ARID1B: variants seen among roughly 807,000 people sequenced by gnomAD.
ARID1B encodes AT-rich interaction domain 1B, also known as AT-rich interactive domain-containing protein 1B.
ARID1B carries 30 observed loss-of-function variants against 212.3 expected under a neutral mutation model. The observed-to-expected ratio is 0.14, with a 90% CI of 0.11 to 0.19. The LOEUF is 0.19. Ranked by LOEUF, ARID1B falls within the 10% of genes least tolerant of loss-of-function variation. The probability of loss-of-function intolerance (pLI) is 1.00; values close to 1 mark genes in which losing one functional copy is unlikely to be tolerated. For missense variants in ARID1B, 2,891 were observed against 3,204.0 expected (o/e 0.90, Z 2.36); for synonymous variants, 1,402 against 1,301.7 (o/e 1.08, Z -1.66).
At chr6:157,092,250 T>C (rs1318093392) in intron 5 of ARID1B, among the ~76,000 whole-genome samples, 3 of 152,252 alleles carry the variant, frequency 2.0e-5, no homozygotes, top group Non-Finnish European at 4.4e-5. Context: ...AATTGTATAT[T>C]TTGTCTTTTT....
At chr6:156,840,906 A>T (rs551001664) in intron 2 of ARID1B, among the ~76,000 whole-genome samples, 1 of 152,202 alleles carries the variant, frequency 6.6e-6, no homozygotes, top group Admixed American at 6.5e-5. Context: ...CACTGGGTGT[A>T]ATACCTCAGT....
At chr6:157,140,787 T>C in intron 7 of ARID1B, 1 of 396,674 alleles carries the variant, frequency 2.5e-6, no homozygotes, top group East Asian at 3.6e-5. Flanking sequence ...ACGTTAGCCC[T>C]GGTCCGGGAT....
chr6:156,877,194 C>G (rs1445356326), intron 2 of ARID1B, among the ~76,000 whole-genome samples: 4 of 152,166 alleles, frequency 2.6e-5, no homozygotes, highest in African/African-American at 9.7e-5. Context: ...ATGTTATTCT[C>G]CTGCTTAAAG....
intron 3 of ARID1B, among the ~76,000 whole-genome samples, chr6:156,924,030 A>G (rs1211448080): frequency 1.3e-5 from 2 of 152,234 alleles, no homozygotes; most frequent in African/African-American, 4.8e-5. Context: ...TAAAAATAAC[A>G]ATAGCTGACA....
intron 2 of ARID1B, among the ~76,000 whole-genome samples, chr6:156,892,452 T>C (rs1419389666): frequency 6.6e-6 from 1 of 152,220 alleles, no homozygotes; most frequent in Non-Finnish European, 1.5e-5. Flanking sequence ...AGCATAAATG[T>C]GTTAAAATGT....
At chr6:157,039,803 T>C (rs1028369563) in intron 4 of ARID1B, among the ~76,000 whole-genome samples, 1 of 139,990 alleles carries the variant, frequency 7.1e-6, no homozygotes, top group Non-Finnish European at 1.5e-5. Context: ...CTTCTTTCTT[T>C]CTCTTTCTTT....
chr6:156,887,258 A>G (rs1787588249), intron 2 of ARID1B, among the ~76,000 whole-genome samples: 1 of 152,112 alleles, frequency 6.6e-6, no homozygotes, highest in African/African-American at 2.4e-5. Context: ...TAACGTACCA[A>G]TGCTGGCTCT....
At position 157,124,361 on chromosome 6, in the gene ARID1B, G is replaced by GA. The variant is rs1465608288; in HGVS notation, c.2582-8664dup. 2.6e-5 allele frequency among the ~76,000 whole-genome samples: 4 copies of GA among 152,362 alleles called. No individual in the cohort carries two copies. In the East Asian group the frequency reaches 7.7e-4, roughly 29 times the overall value. The stretch of plus-strand genomic sequence containing the variant: ...CTCCAGAACTTACAGTCTGGCGAGA[G>GA]AAACAGTTGCACAAAAAACAATAGC... On this transcript the variant is annotated intron_variant, in intron 6 of 19. Coordinates refer to ENST00000636930, the MANE Select transcript of ARID1B (RefSeq NM_001374828.1).
intron 13 of ARID1B, among the ~76,000 whole-genome samples, chr6:157,188,474 C>T (rs1793134476): frequency 6.6e-6 from 1 of 152,142 alleles, no homozygotes; most frequent in Admixed American, 6.5e-5. Context: ...TGTAACCTCT[C>T]GTGGTTTGTT....
At chr6:157,041,372 TATA>T (rs1781860989) in intron 4 of ARID1B, among the ~76,000 whole-genome samples, 1 of 152,148 alleles carries the variant, frequency 6.6e-6, no homozygotes, top group South Asian at 2.1e-4. Context: ...GGATTCTACA[TATA>T]GTAGTATAGA....
chr6:156,935,851 G>A, intron 4 of ARID1B: 1 of 349,350 alleles, frequency 2.9e-6, no homozygotes, highest in Non-Finnish European at 5.3e-6. Context: ...GGTTATTGCT[G>A]TTGTACAGTT....
At chr6:157,196,580 T>G (rs1793743010) in intron 16 of ARID1B, among the ~76,000 whole-genome samples, 1 of 152,144 alleles carries the variant, frequency 6.6e-6, no homozygotes, top group Non-Finnish European at 1.5e-5. Context: ...CCGCCACAAG[T>G]CACGCTGGCA....
intron 4 of ARID1B, among the ~76,000 whole-genome samples, chr6:156,973,186 T>A (rs1043499720): frequency 1.3e-5 from 2 of 152,262 alleles, no homozygotes; most frequent in Middle Eastern, 3.2e-3. Context: ...GAATTGTACA[T>A]TTATTTTATT....
At chr6:157,086,111 T>C (rs1369220299) in intron 5 of ARID1B, among the ~76,000 whole-genome samples, 1 of 152,242 alleles carries the variant, frequency 6.6e-6, no homozygotes, top group East Asian at 1.9e-4. Flanking sequence ...AGGGCTACTA[T>C]TAACAATTAC....
intron 4 of ARID1B, among the ~76,000 whole-genome samples, chr6:157,063,657 A>C (rs1783495063): frequency 6.6e-6 from 1 of 152,218 alleles, no homozygotes; most frequent in Admixed American, 6.5e-5. Context: ...TACGAAATGT[A>C]CTTCTAATGA....
chr6:157,150,162 C>G (rs1386110569), intron 8 of ARID1B: 2 of 152,098 alleles, frequency 1.3e-5, no homozygotes, highest in Admixed American at 6.5e-5. Flanking sequence ...TCATAAAGCG[C>G]AAGTTATTTT....
intron 1 of ARID1B, among the ~76,000 whole-genome samples, chr6:156,819,741 A>T (rs2128010192): frequency 6.6e-6 from 1 of 152,344 alleles, no homozygotes; most frequent in Non-Finnish European, 1.5e-5. Flanking sequence ...AGTCACACAG[A>T]TGAGCCCACT....
intron 1 of ARID1B, among the ~76,000 whole-genome samples, chr6:156,802,777 T>A (rs1024535455): frequency 6.6e-6 from 1 of 151,852 alleles, no homozygotes; most frequent in African/African-American, 2.4e-5. Context: ...TGGCTAAGTA[T>A]AAGTTGAGGG....
At position 156,778,153 on chromosome 6, in the gene ARID1B, C is replaced by G. The variant is rs1040021003; in HGVS notation, c.473C>G (p.Ala158Gly). The change falls in exon 1 of 20, where the codon GCC becomes GGC. Residue 158 changes from alanine to glycine, a missense_variant. This residue lies in a region of ARID1B where 1,643 missense variants were observed against 1,544.0 expected (regional missense o/e 1.06). Coordinates refer to ENST00000636930, the MANE Select transcript of ARID1B (RefSeq NM_001374828.1). ...PNHKLKTVGE[A>G]PAAPPHQQHH... ...CACAAACTGAAAACCGTTGGCGAAG[C>G]CCCCGCCGCGCCGCCCCACCAGCAG... The G allele has an allele frequency of 2.1e-5, 32 of 1,540,936 alleles. No individual in the cohort carries two copies. Among genetic ancestry groups the G allele is most frequent in the Non-Finnish European group, 2.6e-5 (30 of 1,146,436 alleles).
Sources: gnomAD v4.1 joint callset for allele counts (sites outside exome capture counted in the v4.1 genomes callset) on GRCh38, gnomAD v4.1.1 for gene constraint, gnomAD v4.1.1 regional missense constraint, MANE v1.5 for transcripts, NCBI Gene and HGNC (gene_info 2026-07-23, HGNC 2026-07-21) for gene names.